Variants in UBAC2 observed in about 807,000 individuals in gnomAD.
UBAC2 encodes UBA domain containing 2, also known as ubiquitin-associated domain-containing protein 2.
Under a neutral mutation model 44.0 loss-of-function variants are expected in UBAC2, and 26 were observed. The ratio of observed to expected loss-of-function variants is 0.59; its 90% CI spans 0.43 to 0.82. The LOEUF (loss-of-function observed/expected upper bound fraction) is 0.82, where lower values mean the gene tolerates loss of function less well. Among genes scored for constraint, UBAC2 ranks in the 40% least tolerant of loss-of-function variants. UBAC2 has a pLI of 0.00. For missense variants in UBAC2, 329 were observed against 419.4 expected, an observed-to-expected ratio of 0.78 and a Z score of 1.88; for synonymous variants, 155 against 154.3, an observed-to-expected ratio of 1.00 and a Z score of -0.04.
intron 2 of UBAC2, among the ~76,000 whole-genome samples, chr13:99,242,123 T>C (rs1309961480): frequency 6.6e-6 from 1 of 151,868 alleles, no homozygotes; most frequent in African/African-American, 2.4e-5. Flanking sequence ...ATGAAAAGTC[T>C]CCCATGTCTA....
intron 4 of UBAC2, chr13:99,254,699 C>T (rs1431275295): frequency 3.6e-6 from 2 of 559,792 alleles, no homozygotes; most frequent in Admixed American, 7.3e-5. Context: ...AAAGAAAAAT[C>T]AGATGCTTTT....
At chr13:99,204,446 C>G (rs561971557) in intron 1 of UBAC2, among the ~76,000 whole-genome samples, 1 of 152,030 alleles carries the variant, frequency 6.6e-6, no homozygotes, top group African/African-American at 2.4e-5. Context: ...GTGAGCAGTT[C>G]GTAAGAGATG....
At chr13:99,216,608 C>T (rs528395029) in intron 1 of UBAC2, among the ~76,000 whole-genome samples, 2 of 152,172 alleles carry the variant, frequency 1.3e-5, no homozygotes, top group Non-Finnish European at 2.9e-5. Flanking sequence ...CCTCAATTCT[C>T]CCGAAGATTG....
At chr13:99,201,946 G>T (rs2042807170) in intron 1 of UBAC2, among the ~76,000 whole-genome samples, 2 of 151,962 alleles carry the variant, frequency 1.3e-5, no homozygotes, top group Admixed American at 6.6e-5. Flanking sequence ...GGTGGCGGGT[G>T]CCTGTATTCC....
At chr13:99,286,292 A>C (rs2044018229) in intron 4 of UBAC2, among the ~76,000 whole-genome samples, 1 of 152,186 alleles carries the variant, frequency 6.6e-6, no homozygotes, top group African/African-American at 2.4e-5. Flanking sequence ...CTGGATCTGA[A>C]ACATTTAGAT....
In UBAC2 at chr13:99,296,094, C is replaced by T. The variant is rs2044167808; in HGVS notation, c.390-18003C>T. 2 of 1,612,500 alleles carry T rather than the reference C, an allele frequency of 1.2e-6. No homozygotes were observed. The highest frequency in any genetic ancestry group is 1.7e-6 in the Non-Finnish European group (2 of 1,179,112). ...TGTGCATAGAGGTCACAGTCATTTCCCTGAGGAGTTGCAGAGGGCGGAGTA... is the reference window on the plus strand; with the variant it reads ...TGTGCATAGAGGTCACAGTCATTTCTCTGAGGAGTTGCAGAGGGCGGAGTA... On this transcript the variant is annotated intron_variant, in intron 4 of 8. Coordinates refer to ENST00000403766, the MANE Select transcript of UBAC2 (RefSeq NM_001144072.2).
intron 4 of UBAC2, among the ~76,000 whole-genome samples, chr13:99,279,497 AT>A (rs2043925912): frequency 6.6e-6 from 1 of 152,200 alleles, no homozygotes; most frequent in African/African-American, 2.4e-5. Context: ...ATCACTATAG[AT>A]AGTAAATAAG....
intron 7 of UBAC2, among the ~76,000 whole-genome samples, chr13:99,360,926 T>A (rs2045256941): frequency 1.3e-5 from 2 of 152,150 alleles, no homozygotes; most frequent in Admixed American, 1.3e-4. Flanking sequence ...TGGCTCACAC[T>A]CTCCTGTGGA....
At chr13:99,245,138 C>G (rs1020806293) in intron 4 of UBAC2, among the ~76,000 whole-genome samples, 1 of 152,116 alleles carries the variant, frequency 6.6e-6, no homozygotes, top group Non-Finnish European at 1.5e-5. Flanking sequence ...CAGGCACCTT[C>G]TTTTTTTAGC....
chr13:99,254,753 G>A (rs1205902745), intron 4 of UBAC2: 1 of 717,558 alleles, frequency 1.4e-6, no homozygotes, highest in East Asian at 2.8e-5. Context: ...TTTTTAAAAT[G>A]AAGATAATGA....
intron 4 of UBAC2, among the ~76,000 whole-genome samples, chr13:99,254,400 C>T (rs1333332696): frequency 1.3e-5 from 2 of 152,194 alleles, no homozygotes; most frequent in East Asian, 3.9e-4. Context: ...CCCTTGGGTT[C>T]TTGTTGCTAT....
intron 4 of UBAC2, among the ~76,000 whole-genome samples, chr13:99,298,396 C>T (rs1012666128): frequency 6.6e-6 from 1 of 152,064 alleles, no homozygotes; most frequent in Admixed American, 6.5e-5. Context: ...TTCTAAGGAA[C>T]TCATGGGTTA....
intron 6 of UBAC2, among the ~76,000 whole-genome samples, chr13:99,318,638 A>C (rs936843211): frequency 1.8e-4 from 27 of 150,868 alleles, no homozygotes; most frequent in Non-Finnish European, 1.5e-4. Flanking sequence ...GGCTGACATG[A>C]TGAAACCCCA....
chr13:99,258,302 T>C (rs1391137165), intron 4 of UBAC2: 1 of 152,222 alleles, frequency 6.6e-6, no homozygotes, highest in African/African-American at 2.4e-5. Flanking sequence ...TTAGACTCTT[T>C]TGTTGCTTTA....
intron 1 of UBAC2, among the ~76,000 whole-genome samples, chr13:99,217,623 G>T (rs932330561): frequency 1.3e-5 from 2 of 152,242 alleles, no homozygotes; most frequent in African/African-American, 4.8e-5. Flanking sequence ...CTGGCATGCA[G>T]CCCTCTGGTG....
At chr13:99,273,010 T>G (rs1336752810) in intron 4 of UBAC2, among the ~76,000 whole-genome samples, 3 of 152,120 alleles carry the variant, frequency 2.0e-5, no homozygotes, top group African/African-American at 7.2e-5. Flanking sequence ...CTCTTTTTTT[T>G]TTTTTGGTTC....
intron 8 of UBAC2, among the ~76,000 whole-genome samples, chr13:99,377,968 T>C (rs953216681): frequency 2.6e-5 from 4 of 152,224 alleles, no homozygotes; most frequent in African/African-American, 9.6e-5. Context: ...GCATGCAGCT[T>C]CCCCTGCATT....
intron 4 of UBAC2, among the ~76,000 whole-genome samples, chr13:99,264,771 G>A (rs768420163): frequency 7.9e-5 from 12 of 152,162 alleles, no homozygotes; most frequent in Non-Finnish European, 1.5e-4. Flanking sequence ...AATTTCTGTA[G>A]GACTGTGGAT....
At chr13:99,333,068 C>G (rs1241308075) in intron 6 of UBAC2, among the ~76,000 whole-genome samples, 1 of 151,912 alleles carries the variant, frequency 6.6e-6, no homozygotes, top group Non-Finnish European at 1.5e-5. Flanking sequence ...TTGAGACCAG[C>G]CTGAGCAACA....
Sources: gnomAD v4.1 joint callset for allele counts (sites outside exome capture counted in the v4.1 genomes callset) on GRCh38, gnomAD v4.1.1 for gene constraint, MANE v1.5 for transcripts, NCBI Gene and HGNC (gene_info 2026-07-23, HGNC 2026-07-21) for gene names.